Variants in PRKDC observed in about 807,000 individuals in gnomAD.
PRKDC encodes protein kinase, DNA-activated, catalytic subunit, also known as DNA-dependent protein kinase catalytic subunit.
Under a neutral mutation model 486.9 loss-of-function variants are expected in PRKDC, and 82 were observed. The ratio of observed to expected loss-of-function variants is 0.17; its 90% CI spans 0.14 to 0.20. The LOEUF is 0.20. Among genes scored for constraint, PRKDC ranks in the 10% least tolerant of loss-of-function variants. The pLI, the probability that PRKDC is intolerant of heterozygous loss-of-function variation, is 1.00. For synonymous variants in PRKDC, 1,895 were observed against 1,837.0 expected (o/e 1.03, Z -0.81); for missense variants, 4,504 against 5,038.2 (o/e 0.89, Z 3.21).
intron 19 of PRKDC, among the ~76,000 whole-genome samples, chr8:47,928,254 C>T (rs575853386): frequency 1.3e-4 from 20 of 150,298 alleles, no homozygotes; most frequent in Non-Finnish European, 1.9e-4. Flanking sequence ...ATCCTTCAAG[C>T]GATTCTCCTG....
chr8:47,840,321 TATATTCTTAA>T, intron 54 of PRKDC, 132 bp from the exon 55 acceptor site: 1 of 656,084 alleles, frequency 1.5e-6, no homozygotes, highest in Non-Finnish European at 2.5e-6. Context: ...ATATAAAACT[TATATTCTTAA>T]AATGATCATG....
chr8:47,795,806 ACT>A (rs1027335235), intron 73 of PRKDC, among the ~76,000 whole-genome samples: 1 of 149,812 alleles, frequency 6.7e-6, no homozygotes, highest in Admixed American at 6.7e-5. Flanking sequence ...TGTACACGTA[ACT>A]CTTTGTGCTA....
chr8:47,825,509 A>AC (rs2087717198), intron 63 of PRKDC, among the ~76,000 whole-genome samples: 2 of 149,484 alleles, frequency 1.3e-5, no homozygotes, highest in African/African-American at 4.9e-5. Flanking sequence ...TGTCTCAAAA[A>AC]AAAAAAAAAA....
chr8:47,942,239 C>A (rs551189374), intron 10 of PRKDC, among the ~76,000 whole-genome samples: 27 of 152,306 alleles, frequency 1.8e-4, no homozygotes, highest in Non-Finnish European at 3.7e-4. Flanking sequence ...GCAAGTAAGG[C>A]CAGCCAAGTT....
In PRKDC at chr8:47,821,697, A is replaced by G. The variant is rs891454470; in HGVS notation, c.9018T>C (p.Ala3006=). ...LASLDCYNHL[A]EWKSLEYCST... is the part of the protein sequence containing the mutation. ...AACAGTATTCAAGTGATTTCCACTC[A>G]GCAAGGTGGTTGTAACAGTCAAGGG... Residue 3006 remains alanine (A), a synonymous_variant, in exon 65 of 86, where the codon GCT becomes GCC. Transcript: ENST00000314191. The G allele has an allele frequency of 6.9e-6, 11 of 1,601,800 alleles. No individual in the cohort carries two copies. Among genetic ancestry groups the G allele is most frequent in the Admixed American group, 3.4e-5 (2 of 58,394 alleles).
In PRKDC at chr8:47,828,201, G is replaced by A. The variant is rs2087780335; in HGVS notation, c.8544C>T (p.Phe2848=). 1 of 1,613,718 alleles carries A rather than the reference G, an allele frequency of 6.2e-7. No individual in the cohort carries two copies. The highest frequency in any genetic ancestry group is 1.3e-5 in the African/African-American group (1 of 74,930). The part of the protein sequence containing the change: ...QDFNRFLNTT[F]SFFPPFVSCI... ...AAGAGACAAAGGGTGGAAAGAAAGAGAAGGTGGTATTAAGAAAACGATTGA... is the reference window on the plus strand; with the variant it reads ...AAGAGACAAAGGGTGGAAAGAAAGAAAAGGTGGTATTAAGAAAACGATTGA... The change falls in exon 62 of 86, where the codon TTC becomes TTT. Residue 2848 remains phenylalanine, a synonymous_variant. Transcript: ENST00000314191.
chr8:47,887,483 C>T (rs540764429), intron 35 of PRKDC, 64 bp downstream of exon 35: 118 of 1,383,652 alleles, frequency 8.5e-5, no homozygotes, highest in Non-Finnish European at 9.0e-5. Flanking sequence ...TCTAGAGACA[C>T]CTGCAAGTGA....
chr8:47,783,784 T>C lies in PRKDC; in HGVS notation c.11133A>G (p.Pro3711=). ...IPGQYDGRGK[P]LPEYHVRIAG... ...CGATTCGCACGTGGTACTCTGGCAATGGCTTTCCCCTACCGTCATACTGAC... is the reference window on the plus strand; with the variant it reads ...CGATTCGCACGTGGTACTCTGGCAACGGCTTTCCCCTACCGTCATACTGAC... Residue 3711 remains proline (P), a synonymous_variant, in exon 78 of 86, where the codon CCA becomes CCG. Transcript: ENST00000314191. The C allele has an allele frequency of 6.2e-7, 1 of 1,613,952 alleles. No individual in the cohort carries two copies.
rs1052733484 is a variant in PRKDC, at chr8:47,850,817, T to G, written c.7006-1314A>C. ...GCGAGCCTCTCTTACTGACTTCTTT[T>G]TATTTTTTTTGAGATGGAGTCTCAC... is the stretch of plus-strand genomic sequence containing the variant. On this transcript the variant is annotated intron_variant, in intron 52 of 85. Transcript: ENST00000314191. 2.6e-5 allele frequency among the ~76,000 whole-genome samples: 4 copies of G among 152,122 alleles called. No homozygotes were observed. The South Asian group carries it at 8.3e-4, about 32-fold the overall frequency.
chr8:47,778,888 C>G (rs1289133056), intron 81 of PRKDC, 89 bp from the exon 82 acceptor site: 1 of 1,463,870 alleles, frequency 6.8e-7, no homozygotes, highest in African/African-American at 1.4e-5. Context: ...TATTGAGACT[C>G]AAATATCGAA....
intron 62 of PRKDC, among the ~76,000 whole-genome samples, chr8:47,827,378 C>T (rs1290436084): frequency 6.6e-6 from 1 of 151,960 alleles, no homozygotes; most frequent in African/African-American, 2.4e-5. Flanking sequence ...TACAAAAATA[C>T]TAAAATGAAT....
chr8:47,943,333 T>C lies in PRKDC; in HGVS notation c.842A>G (p.Gln281Arg). Residue 281 changes from glutamine to arginine, a missense_variant, in exon 10 of 86, where the codon CAG becomes CGG. Gln to Arg is a conservative substitution (Grantham distance 43). This residue lies in a region of PRKDC where 1,969 missense variants were observed against 2,068.9 expected (regional missense o/e 0.95). Transcript: ENST00000314191. ...GTTGTCCAGAAGGCAGGTGCTAAAC[T>C]GAGATGCATGCAGGGCAAATAGGCG... Reference protein sequence around the residue: ...GLRLFALHASQFSTCLLDNYV... With the variant: ...GLRLFALHASRFSTCLLDNYV... The C allele has an allele frequency of 6.2e-7, 1 of 1,610,542 alleles. No individual in the cohort carries two copies. Among genetic ancestry groups the C allele is most frequent in the Non-Finnish European group, 8.5e-7 (1 of 1,178,584 alleles).
chr8:47,885,571 A>C (rs2089308578), intron 36 of PRKDC, among the ~76,000 whole-genome samples: 1 of 152,142 alleles, frequency 6.6e-6, no homozygotes, highest in African/African-American at 2.4e-5. Context: ...TATTTCAGGA[A>C]TATGGCAACC....
chr8:47,866,482 C>T (rs2088819923), intron 40 of PRKDC, among the ~76,000 whole-genome samples: 2 of 152,054 alleles, frequency 1.3e-5, no homozygotes, highest in South Asian at 4.2e-4. Context: ...TGACTCTTAC[C>T]TAAAAAGCTA....
At chr8:47,959,261 T>C (rs1712301132) in intron 1 of PRKDC, 1 of 152,210 alleles carries the variant, frequency 6.6e-6, no homozygotes, top group Non-Finnish European at 1.5e-5. Context: ...ACCCAGGCAT[T>C]GCTAAAGAGT....
intron 49 of PRKDC, among the ~76,000 whole-genome samples, 194 bp from the exon 50 acceptor site, chr8:47,855,567 A>T (rs1241539081): frequency 6.6e-6 from 1 of 152,234 alleles, no homozygotes; most frequent in Non-Finnish European, 1.5e-5. Flanking sequence ...CCGGCGCTGC[A>T]ATCTCAGAGT....
rs905554309 is a variant in PRKDC at position 47,780,440 on chromosome 8, C to T, written c.11490-1347G>A. ...GGGCAATGGGAAACAATGTGATACA[C>T]GTATGTTTAAGTACTTTTGTGTGGA... On this transcript the variant is annotated intron_variant, in intron 80 of 85. Coordinates refer to ENST00000314191, the MANE Select transcript of PRKDC (RefSeq NM_006904.7). Among the ~76,000 whole-genome samples, 9 of 152,248 alleles carry T rather than the reference C, an allele frequency of 5.9e-5. No homozygotes were observed. The South Asian group carries it at 8.3e-4, about 14-fold the overall frequency.
At chr8:47,901,988 T>G (rs1432180583) in intron 27 of PRKDC, among the ~76,000 whole-genome samples, 1 of 152,188 alleles carries the variant, frequency 6.6e-6, no homozygotes, top group Non-Finnish European at 1.5e-5. Flanking sequence ...AAGTGGATTT[T>G]AGGAGGAAAT....
At chr8:47,810,206 G>A (rs1006895264) in intron 68 of PRKDC, among the ~76,000 whole-genome samples, 1 of 152,188 alleles carries the variant, frequency 6.6e-6, no homozygotes, top group Admixed American at 6.5e-5. Flanking sequence ...AGAGAATCCA[G>A]TAGTCCCCCT....
Sources: gnomAD v4.1 joint callset for allele counts (sites outside exome capture counted in the v4.1 genomes callset) on GRCh38, gnomAD v4.1.1 for gene constraint, gnomAD v4.1.1 regional missense constraint, MANE v1.5 for transcripts, NCBI Gene and HGNC (gene_info 2026-07-23, HGNC 2026-07-21) for gene names.